The following MAGI2 variants were observed in gnomAD, a reference collection of about 807,000 sequenced individuals.
MAGI2 encodes membrane-associated guanylate kinase, WW and PDZ domain-containing protein 2.
Under a neutral mutation model 133.3 loss-of-function variants are expected in MAGI2, and 35 were observed. The observed-to-expected ratio is 0.26, with a 90% CI of 0.20 to 0.35. The LOEUF (loss-of-function observed/expected upper bound fraction) is 0.35, where lower values mean the gene tolerates loss of function less well. MAGI2 is among the 10% of genes least tolerant of loss of function. MAGI2 has a pLI of 1.00. For missense variants in MAGI2, 1,636 were observed against 1,863.4 expected (o/e 0.88, Z 2.25); for synonymous variants, 729 against 710.6 (o/e 1.03, Z -0.41).
intron 1 of MAGI2, among the ~76,000 whole-genome samples, chr7:79,228,188 T>A (rs1225163219): frequency 6.7e-6 from 1 of 149,756 alleles, no homozygotes; most frequent in Non-Finnish European, 1.5e-5. Flanking sequence ...TAGAAAAAAA[T>A]TAAAAATTAG....
chr7:79,434,554 T>A (rs1402393208), intron 1 of MAGI2, among the ~76,000 whole-genome samples: 1 of 152,158 alleles, frequency 6.6e-6, no homozygotes, highest in Non-Finnish European at 1.5e-5. Flanking sequence ...TCATAATGGA[T>A]AAGGTAAATA....
chr7:78,412,146 T>C (rs1797926799), intron 6 of MAGI2, among the ~76,000 whole-genome samples: 1 of 152,094 alleles, frequency 6.6e-6, no homozygotes, highest in Non-Finnish European at 1.5e-5. Flanking sequence ...CCTCTTCCAA[T>C]GCATTGATAA....
chr7:78,462,707 T>A (rs1318165496), intron 6 of MAGI2, among the ~76,000 whole-genome samples: 1 of 152,212 alleles, frequency 6.6e-6, no homozygotes, highest in African/African-American at 2.4e-5. Context: ...ATTAATATTT[T>A]CCCAAATAGG....
intron 1 of MAGI2, among the ~76,000 whole-genome samples, chr7:79,367,858 C>CATATATATATATATATATATATAT (rs367920302): frequency 0.013 from 1,114 of 86,864 alleles, 67 homozygotes; most frequent in Middle Eastern, 0.03. Context: ...ATATATGTGA[C>CATATATATATATATATATATATAT]ATATATATAT....
chr7:79,321,617 G>T (rs1839192351), intron 1 of MAGI2, among the ~76,000 whole-genome samples: 1 of 152,164 alleles, frequency 6.6e-6, no homozygotes, highest in Non-Finnish European at 1.5e-5. Flanking sequence ...TCAGTTAAGA[G>T]CCTGGGTACC....
At chr7:78,339,042 C>G (rs1790078152) in intron 9 of MAGI2, among the ~76,000 whole-genome samples, 1 of 152,096 alleles carries the variant, frequency 6.6e-6, no homozygotes, top group South Asian at 2.1e-4. Context: ...CTCCTACTCT[C>G]CTGACTTTGT....
rs374176014 is a variant in MAGI2, at chr7:78,255,810, TCTCA to T, written c.2047+129_2047+132del. 1,970 of 924,688 alleles carry T rather than the reference TCTCA, an allele frequency of 2.1e-3. 17 individuals are homozygous for T. The African/African-American group carries it at 0.025, about 12-fold the overall frequency. The allele number at this position is 924,688 out of a possible 1,614,324, so 57.3% of individuals were successfully genotyped here. Reference sequence around the variant, plus strand: ...GTTTCCTTTAATTCATGTTTTTCTCTCTCACTCTTTAAGCTTTATTTTTTAAAGT... The same window carrying T: ...GTTTCCTTTAATTCATGTTTTTCTCTCTCTTTAAGCTTTATTTTTTAAAGT... On this transcript the variant is annotated intron_variant, in intron 10 of 21. Coordinates refer to ENST00000354212, the MANE Select transcript of MAGI2 (RefSeq NM_012301.4).
At position 78,167,989 on chromosome 7, in the gene MAGI2, G is replaced by A; in HGVS notation, c.2523C>T (p.Val841=). The A allele has an allele frequency of 6.2e-7, 1 of 1,614,132 alleles. No individual in the cohort carries two copies. Among genetic ancestry groups the A allele is most frequent in the East Asian group, 2.2e-5 (1 of 44,878 alleles). Residue 841 remains valine, a synonymous_variant, in exon 15 of 22, where the codon GTC becomes GTT. Transcript: ENST00000354212. ...GGGCTGCGTGGTGCATGAGGTCGAT[G>A]ACATAGCGGTGGGTTTTGCCGGCTA... ...IPVAGKTHRY[V]IDLMHHAARN...
At chr7:79,136,278 G>A (rs949926595) in intron 1 of MAGI2, among the ~76,000 whole-genome samples, 2 of 152,140 alleles carry the variant, frequency 1.3e-5, no homozygotes, top group African/African-American at 2.4e-5. Flanking sequence ...TCAGTCAGAT[G>A]TCTACTTACC....
chr7:78,773,225 A>G (rs1240696496), intron 2 of MAGI2, among the ~76,000 whole-genome samples: 1 of 152,176 alleles, frequency 6.6e-6, no homozygotes, highest in African/African-American at 2.4e-5. Context: ...TCTAACAGAG[A>G]CTTGATGAAC....
At chr7:79,020,352 G>T (rs182992702) in intron 1 of MAGI2, among the ~76,000 whole-genome samples, 1 of 152,286 alleles carries the variant, frequency 6.6e-6, no homozygotes. Context: ...GGAAATGGAA[G>T]TTATGTTTAA....
At chr7:78,453,404 C>T (rs927890731) in intron 6 of MAGI2, among the ~76,000 whole-genome samples, 1 of 152,190 alleles carries the variant, frequency 6.6e-6, no homozygotes, top group Non-Finnish European at 1.5e-5. Flanking sequence ...TCCCCAGGCT[C>T]TTGGCATTAG....
intron 2 of MAGI2, among the ~76,000 whole-genome samples, chr7:78,836,951 T>C (rs908698705): frequency 2.6e-5 from 4 of 152,244 alleles, no homozygotes; most frequent in African/African-American, 7.2e-5. Context: ...GGTAGTTATT[T>C]ATTCATGCAG....
At chr7:79,328,470 G>C (rs1400945656) in intron 1 of MAGI2, among the ~76,000 whole-genome samples, 1 of 152,084 alleles carries the variant, frequency 6.6e-6, no homozygotes, top group Non-Finnish European at 1.5e-5. Flanking sequence ...ATTAGGAAGA[G>C]GGAAAGAAGA....
intron 2 of MAGI2, among the ~76,000 whole-genome samples, chr7:78,983,268 A>G (rs2116211994): frequency 6.6e-6 from 1 of 152,120 alleles, no homozygotes; most frequent in African/African-American, 2.4e-5. Context: ...AGTGTCAGGA[A>G]TGAAACATGG....
chr7:79,449,694 T>C (rs1266081415), intron 1 of MAGI2, among the ~76,000 whole-genome samples: 1 of 151,954 alleles, frequency 6.6e-6, no homozygotes, highest in African/African-American at 2.4e-5. Flanking sequence ...ACAAATAAAA[T>C]GCCATAGTTT....
chr7:78,971,668 G>A (rs1175893747), intron 2 of MAGI2, among the ~76,000 whole-genome samples: 1 of 152,000 alleles, frequency 6.6e-6, no homozygotes, highest in Non-Finnish European at 1.5e-5. Context: ...TACATTGGAT[G>A]TAGTACAGCT....
intron 6 of MAGI2, among the ~76,000 whole-genome samples, chr7:78,397,012 T>C (rs746789038): frequency 1.3e-5 from 2 of 152,158 alleles, no homozygotes; most frequent in Non-Finnish European, 2.9e-5. Context: ...TTGAACCTGA[T>C]ATCCCAGACC....
chr7:79,041,407 T>C (rs1811657160), intron 1 of MAGI2, among the ~76,000 whole-genome samples: 2 of 152,182 alleles, frequency 1.3e-5, no homozygotes, highest in South Asian at 4.1e-4. Flanking sequence ...GCTCTAATTA[T>C]CTTTAATGTT....
Sources: allele counts gnomAD v4.1 joint callset (sites outside exome capture counted in the v4.1 genomes callset), GRCh38; gene constraint gnomAD v4.1.1; transcripts MANE v1.5; gene names NCBI Gene and HGNC (gene_info 2026-07-23, HGNC 2026-07-21).